Variants in MARCHF1 observed in about 807,000 individuals in gnomAD.
The protein encoded by MARCHF1 is E3 ubiquitin-protein ligase MARCHF1.
Under a neutral mutation model 54.2 loss-of-function variants are expected in MARCHF1, and 40 were observed. The observed-to-expected ratio is 0.74, with a 90% CI of 0.57 to 0.96. The LOEUF (loss-of-function observed/expected upper bound fraction) is 0.96, where lower values mean the gene tolerates loss of function less well. MARCHF1 is among the 40% of genes least tolerant of loss of function. The probability of loss-of-function intolerance (pLI) is 0.00; values close to 1 mark genes in which losing one functional copy is unlikely to be tolerated. For synonymous variants in MARCHF1, 236 were observed against 236.3 expected, an observed-to-expected ratio of 1.00 and a Z score of 0.01; for missense variants, 586 against 656.5, an observed-to-expected ratio of 0.89 and a Z score of 1.17.
rs187606805 is a variant in MARCHF1, at chr4:163,610,939, T to C, written c.1010+1332A>G. On this transcript the variant is annotated intron_variant, in intron 7 of 9. Coordinates refer to ENST00000514618, the MANE Select transcript of MARCHF1 (RefSeq NM_001394959.1). ...CTAGTGGCAGCCTCTGCCTAGATGG[T>C]CTTCCCTGCTTCTTTCCTGATCAAT... is the stretch of plus-strand genomic sequence containing the variant. 2.9e-3 allele frequency among the ~76,000 whole-genome samples: 436 copies of C among 152,128 alleles called. 2 individuals carry two copies. The highest frequency in any genetic ancestry group is 0.01 in the African/African-American group (420 of 41,536).
intron 1 of MARCHF1, among the ~76,000 whole-genome samples, chr4:164,258,633 G>T (rs186118930): frequency 6.6e-6 from 1 of 152,084 alleles, no homozygotes; most frequent in African/African-American, 2.4e-5. Flanking sequence ...TCAAATAAAT[G>T]TACTTCAAGG....
chr4:164,224,773 C>A (rs933117862), intron 1 of MARCHF1, among the ~76,000 whole-genome samples: 3 of 151,844 alleles, frequency 2.0e-5, no homozygotes, highest in Non-Finnish European at 2.9e-5. Flanking sequence ...ATTTAAATAT[C>A]ATATTAACTT....
intron 3 of MARCHF1, among the ~76,000 whole-genome samples, chr4:163,888,721 A>G (rs1750592175): frequency 6.6e-6 from 1 of 152,184 alleles, no homozygotes; most frequent in South Asian, 2.1e-4. Flanking sequence ...CTATAAGGCT[A>G]AGAATCAGAA....
intron 2 of MARCHF1, among the ~76,000 whole-genome samples, chr4:164,079,962 A>C (rs965459000): frequency 1.3e-5 from 2 of 152,166 alleles, no homozygotes; most frequent in African/African-American, 2.4e-5. Context: ...CTCACTATTC[A>C]TGCCCCAGTG....
chr4:163,559,304 A>G (rs1739393610), intron 8 of MARCHF1, among the ~76,000 whole-genome samples: 1 of 152,200 alleles, frequency 6.6e-6, no homozygotes, highest in South Asian at 2.1e-4. Flanking sequence ...AAATATTCAA[A>G]CCATTTTAAA....
intron 3 of MARCHF1, among the ~76,000 whole-genome samples, chr4:163,927,326 A>G (rs1751559101): frequency 6.6e-6 from 1 of 151,808 alleles, no homozygotes; most frequent in Non-Finnish European, 1.5e-5. Flanking sequence ...TCAATTTTAA[A>G]TAAACTGCTG....
At chr4:163,794,723 T>C (rs1328056522) in intron 4 of MARCHF1, among the ~76,000 whole-genome samples, 1 of 152,194 alleles carries the variant, frequency 6.6e-6, no homozygotes, top group Non-Finnish European at 1.5e-5. Context: ...ACAAATTCTA[T>C]ACATATAATT....
At chr4:163,539,516 A>G (rs1354925791) in intron 9 of MARCHF1, among the ~76,000 whole-genome samples, 3 of 152,204 alleles carry the variant, frequency 2.0e-5, no homozygotes, top group African/African-American at 7.2e-5. Flanking sequence ...TGGCTGATTC[A>G]GCTGTAGGTT....
intron 8 of MARCHF1, among the ~76,000 whole-genome samples, chr4:163,569,121 T>G (rs985514467): frequency 6.6e-6 from 1 of 152,152 alleles, no homozygotes; most frequent in African/African-American, 2.4e-5. Context: ...GGTGGAGGGT[T>G]GATGCTGCAT....
chr4:164,109,451 T>C (rs1755782906), intron 2 of MARCHF1, among the ~76,000 whole-genome samples: 1 of 152,046 alleles, frequency 6.6e-6, no homozygotes, highest in Non-Finnish European at 1.5e-5. Context: ...CCACCTTTTC[T>C]ATAAGGTCTC....
chr4:164,040,649 A>G (rs1354896752), intron 2 of MARCHF1, among the ~76,000 whole-genome samples: 1 of 151,894 alleles, frequency 6.6e-6, no homozygotes, highest in African/African-American at 2.4e-5. Context: ...AAACGTAAGC[A>G]AAGCTTTAGG....
At chr4:163,635,736 T>G (rs1338609824) in intron 5 of MARCHF1, among the ~76,000 whole-genome samples, 1 of 151,998 alleles carries the variant, frequency 6.6e-6, no homozygotes, top group Non-Finnish European at 1.5e-5. Context: ...CCTCCCTAAC[T>G]CATTTCATGA....
intron 5 of MARCHF1, among the ~76,000 whole-genome samples, chr4:163,662,438 C>G (rs1450922836): frequency 6.6e-6 from 1 of 151,888 alleles, no homozygotes; most frequent in African/African-American, 2.4e-5. Flanking sequence ...TGGAAGTTTT[C>G]TTTTCCTTTT....
intron 1 of MARCHF1, among the ~76,000 whole-genome samples, chr4:164,179,318 T>C (rs1172190675): frequency 6.6e-6 from 1 of 152,174 alleles, no homozygotes; most frequent in Non-Finnish European, 1.5e-5. Context: ...TAAAAAATAA[T>C]AGACACCATT....
At chr4:163,684,277 G>C (rs1046842811) in intron 5 of MARCHF1, among the ~76,000 whole-genome samples, 1 of 152,280 alleles carries the variant, frequency 6.6e-6, no homozygotes, top group East Asian at 1.9e-4. Context: ...GTATGTTGGT[G>C]TAGCAAGTAA....
chr4:163,595,088 A>G (rs187671858), intron 7 of MARCHF1, among the ~76,000 whole-genome samples: 3 of 147,152 alleles, frequency 2.0e-5, no homozygotes, highest in Non-Finnish European at 3.0e-5. Flanking sequence ...AATATGGTAT[A>G]AGCCAGCGAG....
chr4:164,034,104 T>TAGATACATAGATAGAC lies in MARCHF1; in HGVS notation c.-247-45396_-247-45395insGTCTATCTATGTATCT, dbSNP rs1753943027. ...ATAGATAGATAGATAGATAGATAGA[T>TAGATACATAGATAGAC]AGATAGATAGATAGAGATATATACA... On this transcript the variant is annotated intron_variant, in intron 2 of 9. Coordinates refer to ENST00000514618, the MANE Select transcript of MARCHF1 (RefSeq NM_001394959.1). Among the ~76,000 whole-genome samples the TAGATACATAGATAGAC allele has an allele frequency of 2.8e-5, 4 of 141,666 alleles. No homozygotes were observed. The South Asian group carries it at 8.9e-4, about 32-fold the overall frequency. The allele number at this position is 141,666 out of a possible 152,430, so 92.9% of individuals were successfully genotyped here.
chr4:164,250,559 T>G (rs1488478876), intron 1 of MARCHF1, among the ~76,000 whole-genome samples: 2 of 152,220 alleles, frequency 1.3e-5, no homozygotes, highest in East Asian at 3.9e-4. Context: ...ATTAATAAAG[T>G]TAACATCACT....
At chr4:163,623,560 C>T (rs994506465) in intron 5 of MARCHF1, among the ~76,000 whole-genome samples, 7 of 152,166 alleles carry the variant, frequency 4.6e-5, no homozygotes, top group Non-Finnish European at 1.0e-4. Flanking sequence ...CTAGGGACAA[C>T]TCTCAATAAT....
Sources: gnomAD v4.1 joint callset for allele counts (sites outside exome capture counted in the v4.1 genomes callset) on GRCh38, gnomAD v4.1.1 for gene constraint, MANE v1.5 for transcripts, NCBI Gene and HGNC (gene_info 2026-07-23, HGNC 2026-07-21) for gene names.